Variants in AGFG1 observed in about 807,000 individuals in gnomAD.
AGFG1 encodes arf-GAP domain and FG repeat-containing protein 1.
Under a neutral mutation model 60.6 loss-of-function variants are expected in AGFG1, and 10 were observed. That is an observed-to-expected ratio of 0.16 (90% CI 0.10 to 0.28). AGFG1 has a LOEUF of 0.28. Among genes scored for constraint, AGFG1 ranks in the 10% least tolerant of loss-of-function variants. AGFG1 has a pLI of 1.00. For missense variants in AGFG1, 537 were observed against 676.5 expected, an observed-to-expected ratio of 0.79 and a Z score of 2.29; for synonymous variants, 247 against 242.9, an observed-to-expected ratio of 1.02 and a Z score of -0.16.
chr2:227,543,256 TA>T (rs1472974448), intron 10 of AGFG1, among the ~76,000 whole-genome samples: 1 of 152,164 alleles, frequency 6.6e-6, no homozygotes, highest in Non-Finnish European at 1.5e-5. Context: ...GTTAGGGTGT[TA>T]ATTTTATATC....
intron 2 of AGFG1, among the ~76,000 whole-genome samples, chr2:227,513,917 T>G (rs775962050): frequency 1.3e-5 from 2 of 152,242 alleles, no homozygotes; most frequent in Non-Finnish European, 2.9e-5. Context: ...AGCCCATTAT[T>G]TGAAGCATTA....
In AGFG1 at chr2:227,558,568, A is replaced by G. The variant is rs926753670; in HGVS notation, c.*4073A>G. 1 of 152,116 alleles carries G rather than the reference A, an allele frequency of 6.6e-6. No homozygotes were observed. Among genetic ancestry groups the G allele is most frequent in the Non-Finnish European group, 1.5e-5 (1 of 68,028 alleles). The allele number at this position is 152,116 out of a possible 1,614,324, so 9.4% of individuals were successfully genotyped here. A position where few individuals can be genotyped will look rare whatever the true frequency, so the allele number is the denominator to read the frequency against. ...TTATTTTTTAAAAGGTGATATTAAA[A>G]TTTGTATTTAACCTGTTGTATTCAT... On this transcript the variant is annotated 3_prime_UTR_variant, in exon 13 of 13. Transcript: ENST00000310078.
chr2:227,519,461 A>G (rs1463614363), intron 2 of AGFG1, among the ~76,000 whole-genome samples: 2 of 152,202 alleles, frequency 1.3e-5, no homozygotes, highest in East Asian at 1.9e-4. Flanking sequence ...TATTGGACCA[A>G]AAATGCATAG....
chr2:227,488,099 T>C lies in AGFG1; in HGVS notation c.168-3448T>C, dbSNP rs373777723. Among the ~76,000 whole-genome samples, 198 of 152,364 alleles carry C rather than the reference T, an allele frequency of 1.3e-3. 6 individuals carry two copies. In the South Asian group the frequency reaches 0.039, roughly 30 times the overall value. On this transcript the variant is annotated intron_variant, in intron 1 of 12. Coordinates refer to ENST00000310078, the MANE Select transcript of AGFG1 (RefSeq NM_004504.5). The stretch of plus-strand genomic sequence containing the variant: ...ATTTTGAGTGTACTGAGAGAGCTCA[T>C]TTGAATAAATCCTGTAACGAGTAAC...
chr2:227,522,394 A>T (rs1444872391), intron 3 of AGFG1, among the ~76,000 whole-genome samples: 1 of 152,178 alleles, frequency 6.6e-6, no homozygotes, highest in Non-Finnish European at 1.5e-5. Flanking sequence ...GGAAAATATA[A>T]CTTCTTGTAT....
intron 1 of AGFG1, among the ~76,000 whole-genome samples, chr2:227,489,866 A>C (rs1051509230): frequency 1.3e-5 from 2 of 151,218 alleles, no homozygotes; most frequent in African/African-American, 4.9e-5. Context: ...TCCAGGATGG[A>C]GTGCAGTGGC....
At chr2:227,548,580 A>G (rs1283483747) in intron 10 of AGFG1, among the ~76,000 whole-genome samples, 1 of 152,202 alleles carries the variant, frequency 6.6e-6, no homozygotes, top group Non-Finnish European at 1.5e-5. Context: ...AAATGCTGGA[A>G]TAAACACAGT....
intron 10 of AGFG1, among the ~76,000 whole-genome samples, chr2:227,542,448 T>A (rs1692519847): frequency 6.6e-6 from 1 of 152,214 alleles, no homozygotes; most frequent in South Asian, 2.1e-4. Context: ...TCTGTGTATA[T>A]GATGGATTAT....
chr2:227,546,151 C>T (rs1692639996), intron 10 of AGFG1, among the ~76,000 whole-genome samples: 1 of 152,218 alleles, frequency 6.6e-6, no homozygotes, highest in Admixed American at 6.5e-5. Context: ...CTAGTTCAAG[C>T]TTCCTGGCCA....
intron 2 of AGFG1, among the ~76,000 whole-genome samples, chr2:227,512,177 A>G (rs1301680061): frequency 6.6e-6 from 1 of 152,218 alleles, no homozygotes; most frequent in Non-Finnish European, 1.5e-5. Context: ...GAGATCTCAC[A>G]TACAGCTTGT....
intron 10 of AGFG1, among the ~76,000 whole-genome samples, chr2:227,543,752 G>A (rs531596737): frequency 6.2e-4 from 94 of 152,262 alleles, no homozygotes; most frequent in African/African-American, 2.2e-3. Context: ...GTTGACAGTG[G>A]GGTGTTAAAG....
rs1693045109 is a variant in AGFG1 at position 227,558,540 on chromosome 2, AATTT to A, written c.*4050_*4053del. 1 of 152,100 alleles carries A rather than the reference AATTT, an allele frequency of 6.6e-6. No homozygotes were observed. The highest frequency in any genetic ancestry group is 1.9e-4 in the East Asian group (1 of 5,194). The allele number at this position is 152,100 out of a possible 1,614,324, so 9.4% of individuals were successfully genotyped here. Reference sequence around the variant, plus strand: ...CAGTTTGTGGCCTATACACTTTTAAAATTTATTTTTTAAAAGGTGATATTAAAAT... The same window carrying A: ...CAGTTTGTGGCCTATACACTTTTAAAATTTTTTAAAAGGTGATATTAAAAT... On this transcript the variant is annotated 3_prime_UTR_variant, in exon 13 of 13. Transcript: ENST00000310078.
intron 1 of AGFG1, among the ~76,000 whole-genome samples, chr2:227,479,937 TG>T (rs1344599316): frequency 6.6e-6 from 1 of 152,238 alleles, no homozygotes; most frequent in East Asian, 1.9e-4. Context: ...AATTAATTTT[TG>T]TTTGTGTTAG....
intron 3 of AGFG1, among the ~76,000 whole-genome samples, chr2:227,520,597 C>CT (rs369242929): frequency 5.9e-5 from 9 of 152,160 alleles, no homozygotes; most frequent in African/African-American, 2.2e-4. Context: ...CTAACTAAAT[C>CT]TATCAGATGT....
intron 1 of AGFG1, among the ~76,000 whole-genome samples, chr2:227,480,373 A>C (rs1424562945): frequency 6.6e-6 from 1 of 152,000 alleles, no homozygotes; most frequent in Non-Finnish European, 1.5e-5. Context: ...AGATTCCAAA[A>C]ATTCTTGTCT....
At chr2:227,519,831 G>A in intron 2 of AGFG1, 117 bp from the exon 3 acceptor site, 1 of 588,098 alleles carries the variant, frequency 1.7e-6, no homozygotes, top group Non-Finnish European at 3.0e-6. Flanking sequence ...CTCATTGAAA[G>A]CATATTATTA....
At chr2:227,502,433 G>A (rs1047850566) in intron 2 of AGFG1, among the ~76,000 whole-genome samples, 2 of 152,024 alleles carry the variant, frequency 1.3e-5, no homozygotes, top group Non-Finnish European at 2.9e-5. Flanking sequence ...TGGTTCTTGT[G>A]CCCCAGCCTC....
chr2:227,503,003 T>C (rs1438147075), intron 2 of AGFG1, among the ~76,000 whole-genome samples: 1 of 151,928 alleles, frequency 6.6e-6, no homozygotes, highest in Admixed American at 6.6e-5. Context: ...GAGGCAGAGG[T>C]GGGCAGATGG....
In AGFG1 at chr2:227,532,329, C is replaced by T. The variant is rs1276388852; in HGVS notation, c.814+1119C>T. ...TAGTGATAATCCTTCATAAAAATCT[C>T]TTCCAACTCTATTTATTAAACTCAG... On this transcript the variant is annotated intron_variant, in intron 6 of 12. Coordinates refer to ENST00000310078, the MANE Select transcript of AGFG1 (RefSeq NM_004504.5). 3 of 656,416 alleles carry T rather than the reference C, an allele frequency of 4.6e-6. No individual in the cohort carries two copies. In the African/African-American group the frequency reaches 5.7e-5, roughly 13 times the overall value. 40.7% of individuals were successfully genotyped at this position (656,416 alleles called of 1,614,324 possible).
Sources: gnomAD v4.1 joint callset for allele counts (sites outside exome capture counted in the v4.1 genomes callset) on GRCh38, gnomAD v4.1.1 for gene constraint, MANE v1.5 for transcripts, NCBI Gene and HGNC (gene_info 2026-07-23, HGNC 2026-07-21) for gene names.